The following AP1M1 variants were observed in gnomAD, a reference collection of about 807,000 sequenced individuals.
The protein encoded by AP1M1 is AP-1 complex subunit mu-1.
In AP1M1, 18 loss-of-function variants were observed where a neutral mutation model predicts 57.1. That is an observed-to-expected ratio of 0.32 (90% CI 0.22 to 0.47). AP1M1 has a LOEUF of 0.47. AP1M1 is among the 20% of genes least tolerant of loss of function. The pLI, the probability that AP1M1 is intolerant of heterozygous loss-of-function variation, is 1.00. For synonymous variants in AP1M1, 241 were observed against 237.9 expected (o/e 1.01, Z -0.12); for missense variants, 362 against 593.5 (o/e 0.61, Z 4.05).
At chr19:16,215,463 CAAAAAAAAAAAAAAAAAAA>C (rs59357311) in intron 5 of AP1M1, among the ~76,000 whole-genome samples, 7 of 30,970 alleles carry the variant, frequency 2.3e-4, no homozygotes, top group East Asian at 1.0e-3. Flanking sequence ...GATTCCATCT[CAAAAAAAAAAAAAAAAAAA>C]AAAAAAAAAA....
At chr19:16,224,936 G>A (rs532256120) in intron 5 of AP1M1, among the ~76,000 whole-genome samples, 28 of 152,204 alleles carry the variant, frequency 1.8e-4, no homozygotes, top group Non-Finnish European at 2.9e-4. Flanking sequence ...ACACGGCAGC[G>A]CGCAGCCCCA....
At chr19:16,219,404 T>G (rs539293302) in intron 5 of AP1M1, among the ~76,000 whole-genome samples, 29 of 151,582 alleles carry the variant, frequency 1.9e-4, no homozygotes, top group South Asian at 4.2e-4. Context: ...TTTTGTTTTT[T>G]TTTTTTTTTT....
intron 9 of AP1M1, among the ~76,000 whole-genome samples, chr19:16,231,864 G>A (rs1274277839): frequency 6.6e-6 from 1 of 152,174 alleles, no homozygotes; most frequent in Non-Finnish European, 1.5e-5. Context: ...CATAGTGTAG[G>A]CTATTTGCTT....
rs116119298 is a variant in AP1M1, at chr19:16,228,751, G to A, written c.889-19G>A. On this transcript the variant is annotated intron_variant, in intron 8 of 11. Coordinates refer to ENST00000291439, the MANE Select transcript of AP1M1 (RefSeq NM_032493.4). This position sits in a 1 kb window ranked among gnomAD's most constrained non-coding sequence, Gnocchi z 5.0. ...ACCTTGGCCTCCATAACCCCGGGCC[G>A]CATTGGCCTGGCCTGCAGGCCAAAA... The A allele has an allele frequency of 4.0e-3, 6,532 of 1,612,878 alleles. 237 individuals are homozygous for A. In the African/African-American group the frequency reaches 0.075, roughly 18 times the overall value.
intron 5 of AP1M1, among the ~76,000 whole-genome samples, chr19:16,224,481 C>G (rs1376685857): frequency 6.6e-6 from 1 of 152,216 alleles, no homozygotes; most frequent in Non-Finnish European, 1.5e-5. Flanking sequence ...CCTCCAGATG[C>G]GATCATCTGA....
chr19:16,227,540 G>T lies in AP1M1; in HGVS notation c.674-8G>T. ...CCAGATCTGTCCTACCCTCACCCCT[G>T]ACCCCAGGCGGCAAAAGCAAATCCG... On this transcript the variant is annotated splice_region_variant and splice_polypyrimidine_tract_variant and intron_variant, in intron 6 of 11. Transcript: ENST00000291439. This position sits in a 1 kb window ranked among gnomAD's most constrained non-coding sequence, Gnocchi z 6.2. The T allele has an allele frequency of 6.2e-7, 1 of 1,613,558 alleles. No individual in the cohort carries two copies. The highest frequency in any genetic ancestry group is 8.5e-7 in the Non-Finnish European group (1 of 1,179,592).
chr19:16,226,777 C>T (rs10469462), intron 6 of AP1M1: 376,775 of 511,654 alleles, frequency 0.74, 143,147 homozygotes, highest in Non-Finnish European at 0.81. Flanking sequence ...CCCCGTCACC[C>T]GGCCTCACAC....
chr19:16,214,028 G>C (rs943059355), intron 5 of AP1M1, among the ~76,000 whole-genome samples: 1 of 150,190 alleles, frequency 6.7e-6, no homozygotes, highest in African/African-American at 2.4e-5. Flanking sequence ...GTAGTGGCTA[G>C]TAATGGCCTT....
rs757557803 is a variant in AP1M1 at position 16,244,693 on chromosome 19, G to T, written c.*10258G>T. ...AAAATACAAAAAATTAGCCGGGCGC[G>T]GTGGCGGGCGCCTGTAGTCCCAGCT... is the stretch of plus-strand genomic sequence containing the variant. On this transcript the variant is annotated 3_prime_UTR_variant, in exon 12 of 12. Coordinates refer to ENST00000291439, the MANE Select transcript of AP1M1 (RefSeq NM_032493.4). 6.6e-6 allele frequency: 1 copy of T among 151,756 alleles called. No individual in the cohort carries two copies. 9.4% of individuals were successfully genotyped at this position (151,756 alleles called of 1,614,324 possible).
At chr19:16,201,276 A>C (rs2091445646) in intron 1 of AP1M1, among the ~76,000 whole-genome samples, 1 of 152,038 alleles carries the variant, frequency 6.6e-6, no homozygotes, top group African/African-American at 2.4e-5. Flanking sequence ...GATGTCAGAC[A>C]GTAAAGGAGG....
rs773282078 is a variant in AP1M1 at position 16,206,316 on chromosome 19, C to T, written c.200-25C>T. On this transcript the variant is annotated intron_variant, in intron 2 of 11. Transcript: ENST00000291439. The surrounding 1 kb of genome is among the most constrained non-coding windows in gnomAD (Gnocchi z 4.3). ...AGGCAGCAGCCCCAGCCTCTGAATG[C>T]TCCTTAACTGTGGCCGCCATGCAGT... 4 of 1,613,510 alleles carry T rather than the reference C, an allele frequency of 2.5e-6. No individual in the cohort carries two copies. Among genetic ancestry groups the T allele is most frequent in the Non-Finnish European group, 2.5e-6 (3 of 1,179,492 alleles).
intron 5 of AP1M1, among the ~76,000 whole-genome samples, chr19:16,214,053 T>TTTC (rs1165873841): frequency 9.2e-5 from 2 of 21,632 alleles, no homozygotes; most frequent in Non-Finnish European, 7.0e-4. Context: ...TTCCTTTTTC[T>TTTC]TTTTTTTTTT....
Position 16,203,728 on chromosome 19 carries a change from C to T in AP1M1, c.199+113C>T, listed in dbSNP as rs117765719. The T allele has an allele frequency of 3.6e-4, 414 of 1,151,668 alleles. 4 individuals are homozygous for T. The East Asian group carries it at 9.8e-3, about 27-fold the overall frequency. The allele number at this position is 1,151,668 out of a possible 1,614,324, so 71.3% of individuals were successfully genotyped here. A position where few individuals can be genotyped will look rare whatever the true frequency, so the allele number is the denominator to read the frequency against. ...TTGTGCACAGCGCAAGCATTGGACA[C>T]AGCCATGCCCTCCTGGAGCTCCCTG... On this transcript the variant is annotated intron_variant, in intron 2 of 11. Transcript: ENST00000291439. This position sits in a 1 kb window ranked among gnomAD's most constrained non-coding sequence, Gnocchi z 4.6.
intron 9 of AP1M1, 103 bp from the exon 10 acceptor site, chr19:16,233,390 C>T: frequency 2.8e-6 from 4 of 1,410,184 alleles, no homozygotes; most frequent in South Asian, 1.5e-5. Context: ...CCTCCCTGGA[C>T]TGGGGTGAGT....
At chr19:16,208,763 G>A (rs1202579348) in intron 4 of AP1M1, 1 of 364,208 alleles carries the variant, frequency 2.7e-6, no homozygotes, top group African/African-American at 2.1e-5. Context: ...TTCCCAACAT[G>A]GTCTTCTTGG....
rs558169810 is a variant in AP1M1 at position 16,209,426 on chromosome 19, G to A, written c.546+249G>A. On this transcript the variant is annotated intron_variant, in intron 5 of 11. Transcript: ENST00000291439. ...GCTCACTGCAACCTCCGCCTCCCAG[G>A]TTCAGGCGATTCTCCTGCCTCAGCC... 9.2e-5 allele frequency among the ~76,000 whole-genome samples: 14 copies of A among 152,194 alleles called. 1 individual carries two copies. The South Asian group carries it at 2.9e-3, about 32-fold the overall frequency.
intron 5 of AP1M1, among the ~76,000 whole-genome samples, chr19:16,215,797 G>A (rs2091516971): frequency 6.6e-6 from 1 of 152,100 alleles, no homozygotes; most frequent in Non-Finnish European, 1.5e-5. Flanking sequence ...CTCTTTCAGG[G>A]ACACCAATGA....
Position 16,237,094 on chromosome 19 carries a change from A to G in AP1M1, c.*2659A>G, listed in dbSNP as rs1016867288. The G allele has an allele frequency of 3.9e-5, 6 of 152,188 alleles. No homozygotes were observed. Among genetic ancestry groups the G allele is most frequent in the Non-Finnish European group, 7.3e-5 (5 of 68,038 alleles). 9.4% of individuals were successfully genotyped at this position (152,188 alleles called of 1,614,324 possible). A position where few individuals can be genotyped will look rare whatever the true frequency, so the allele number is the denominator to read the frequency against. ...AAATCAGAAAAAGAGAACCTAACAA[A>G]ATGGGCTGTGTGTGAACAGACAGTA... On this transcript the variant is annotated 3_prime_UTR_variant, in exon 12 of 12. Coordinates refer to ENST00000291439, the MANE Select transcript of AP1M1 (RefSeq NM_032493.4).
intron 6 of AP1M1, 103 bp downstream of exon 6, chr19:16,226,650 T>C: frequency 3.5e-6 from 5 of 1,412,272 alleles, no homozygotes; most frequent in Non-Finnish European, 4.7e-6. Flanking sequence ...CGAGCTGGTT[T>C]CAAGCACTTG....
Sources: gnomAD v4.1 joint callset for allele counts (sites outside exome capture counted in the v4.1 genomes callset) on GRCh38, gnomAD v4.1.1 for gene constraint, Gnocchi (gnomAD v3.1) non-coding constraint, MANE v1.5 for transcripts, NCBI Gene and HGNC (gene_info 2026-07-23, HGNC 2026-07-21) for gene names.